The following KCNQ1OT1 variants were observed in gnomAD, a reference collection of about 807,000 sequenced individuals.
The protein encoded by KCNQ1OT1 is KCNQ1 antisense RNA 2 (non-protein coding).
At chr11:2,622,454 T>C in exon 1 of KCNQ1OT1, 1 of 398,390 alleles carries the variant, frequency 2.5e-6, no homozygotes, top group Non-Finnish European at 4.4e-6. Flanking sequence ...CAAAAGTGAG[T>C]TTGTTATATA....
exon 1 of KCNQ1OT1, chr11:2,665,162 G>A (rs943365581): frequency 2.5e-6 from 1 of 398,718 alleles, no homozygotes; most frequent in East Asian, 3.6e-5. Flanking sequence ...CCCTCAACCA[G>A]CTCTGGGCGG....
chr11:2,609,327 T>A (rs1848936759), exon 1 of KCNQ1OT1: 1 of 398,298 alleles, frequency 2.5e-6, no homozygotes, highest in Non-Finnish European at 4.4e-6. Context: ...ATGTGTATGT[T>A]TCCCTAATTT....
Position 2,684,812 on chromosome 11 carries a change from T to C in KCNQ1OT1, n.15183A>G, listed in dbSNP as rs77387434. The C allele has an allele frequency of 3.0e-3, 1,191 of 398,672 alleles. 13 individuals are homozygous for C. The highest frequency in any genetic ancestry group is 0.021 in the African/African-American group (1,045 of 48,750). 24.7% of individuals were successfully genotyped at this position (398,672 alleles called of 1,614,324 possible). On this transcript the variant is annotated non_coding_transcript_exon_variant, in exon 1 of 1. Coordinates refer to ENST00000597346, the Ensembl canonical transcript of KCNQ1OT1. The stretch of plus-strand genomic sequence containing the variant: ...CACTGGTCTGGGCACATTCCAAGGC[T>C]TGAGGTCTCCTAGTCAAGGCCTCCT...
At chr11:2,696,608 A>C (rs1850680842) in exon 1 of KCNQ1OT1, 1 of 398,572 alleles carries the variant, frequency 2.5e-6, no homozygotes, top group Non-Finnish European at 4.4e-6. Context: ...CTCCAACTGG[A>C]AGTTTGAGTG....
exon 1 of KCNQ1OT1, chr11:2,646,577 G>A (rs1010674880): frequency 2.5e-6 from 1 of 398,610 alleles, no homozygotes; most frequent in Non-Finnish European, 4.4e-6. Context: ...CCAGGCTGGG[G>A]TGCAATGGTG....
exon 1 of KCNQ1OT1, chr11:2,618,529 T>C (rs1849108412): frequency 2.5e-6 from 1 of 398,496 alleles, no homozygotes. Flanking sequence ...AATTTCTTTC[T>C]GGGCTCTCTA....
At chr11:2,635,540 T>G (rs1036726318) in exon 1 of KCNQ1OT1, 4 of 152,222 alleles carry the variant, frequency 2.6e-5, no homozygotes, top group African/African-American at 9.6e-5. Context: ...CATTGGTCTA[T>G]ATCTCTGTTT....
At chr11:2,667,281 T>A in exon 1 of KCNQ1OT1, 1 of 398,514 alleles carries the variant, frequency 2.5e-6, no homozygotes. Flanking sequence ...GGGCTGCTGC[T>A]ATGGGGAGAG....
In KCNQ1OT1 at chr11:2,661,726, C is replaced by A; in HGVS notation, n.38269G>T. 1 of 617,316 alleles carries A rather than the reference C, an allele frequency of 1.6e-6. No individual in the cohort carries two copies. Among genetic ancestry groups the A allele is most frequent in the East Asian group, 2.7e-5 (1 of 36,570 alleles). The allele number at this position is 617,316 out of a possible 1,614,324, so 38.2% of individuals were successfully genotyped here. A position where few individuals can be genotyped will look rare whatever the true frequency, so the allele number is the denominator to read the frequency against. On this transcript the variant is annotated non_coding_transcript_exon_variant, in exon 1 of 1. Coordinates refer to ENST00000597346, the Ensembl canonical transcript of KCNQ1OT1. This position sits in a 1 kb window ranked among gnomAD's most constrained non-coding sequence, Gnocchi z 5.9. ...CACAGCCCCAGGCACAGTTACCACT[C>A]CGAAGATGATTCACTGGCCTTTATT...
chr11:2,636,540 T>C (rs1025874086), exon 1 of KCNQ1OT1: 1 of 152,222 alleles, frequency 6.6e-6, no homozygotes, highest in Non-Finnish European at 1.5e-5. Flanking sequence ...GAAGCCCACT[T>C]GATCATGGTG....
chr11:2,636,703 A>C (rs1849472692), exon 1 of KCNQ1OT1: 1 of 152,200 alleles, frequency 6.6e-6, no homozygotes. Flanking sequence ...GCCTCATAAA[A>C]TGAGTTAGGG....
rs2412057 is a variant in KCNQ1OT1 at position 2,620,100 on chromosome 11, T to G, written n.79895A>C. The G allele has an allele frequency of 0.8, 318,991 of 397,976 alleles. 128,707 individuals carry two copies. The highest frequency in any genetic ancestry group is 0.99 in the East Asian group (27,688 of 28,052). 24.7% of individuals were successfully genotyped at this position (397,976 alleles called of 1,614,324 possible). A position where few individuals can be genotyped will look rare whatever the true frequency, so the allele number is the denominator to read the frequency against. ...GTGTTTAGGTCCCACTTGCAAGTGG[T>G]AACATGCAGTATTTGGTTTTCTGTT... On this transcript the variant is annotated non_coding_transcript_exon_variant, in exon 1 of 1. Transcript: ENST00000597346. The surrounding 1 kb of genome is among the most constrained non-coding windows in gnomAD (Gnocchi z 4.5).
exon 1 of KCNQ1OT1, chr11:2,681,573 T>C: frequency 5.0e-6 from 2 of 398,462 alleles, no homozygotes; most frequent in East Asian, 7.1e-5. Context: ...AACTTCCCTT[T>C]TCAGGAAGTT....
chr11:2,652,393 C>G lies in KCNQ1OT1; in HGVS notation n.47602G>C, dbSNP rs2133844443. ...AGATCGCTCTTAATTAGATTAAAAA[C>G]ATTTTTTTCTTCCTGTGTAATTTTG... On this transcript the variant is annotated non_coding_transcript_exon_variant, in exon 1 of 1. Transcript: ENST00000597346. This position sits in a 1 kb window ranked among gnomAD's most constrained non-coding sequence, Gnocchi z 5.9. The G allele has an allele frequency of 2.5e-6, 1 of 398,626 alleles. No individual in the cohort carries two copies. The highest frequency in any genetic ancestry group is 3.6e-5 in the East Asian group (1 of 28,082). The allele number at this position is 398,626 out of a possible 1,614,324, so 24.7% of individuals were successfully genotyped here.
exon 1 of KCNQ1OT1, chr11:2,699,453 G>A: frequency 7.5e-6 from 3 of 402,452 alleles, no homozygotes; most frequent in Non-Finnish European, 1.3e-5. Context: ...GCACTGAGGA[G>A]CCGCCGGGAG....
chr11:2,683,319 G>C lies in KCNQ1OT1; in HGVS notation n.16676C>G. On this transcript the variant is annotated non_coding_transcript_exon_variant, in exon 1 of 1. Coordinates refer to ENST00000597346, the Ensembl canonical transcript of KCNQ1OT1. This position sits in a 1 kb window ranked among gnomAD's most constrained non-coding sequence, Gnocchi z 4.7. ...TGCAAAACCAGACACATAGAGGCCA[G>C]GTTTCCCCCGCTCAACACTAGGCCA... The C allele has an allele frequency of 2.5e-6, 1 of 398,594 alleles. No individual in the cohort carries two copies. Among genetic ancestry groups the C allele is most frequent in the Non-Finnish European group, 4.4e-6 (1 of 226,066 alleles). 24.7% of individuals were successfully genotyped at this position (398,594 alleles called of 1,614,324 possible). A position where few individuals can be genotyped will look rare whatever the true frequency, so the allele number is the denominator to read the frequency against.
exon 1 of KCNQ1OT1, chr11:2,699,413 GGGCCGCGCT>G: frequency 2.5e-6 from 1 of 404,060 alleles, no homozygotes; most frequent in Non-Finnish European, 4.3e-6. Flanking sequence ...GAGATGGGGA[GGGCCGCGCT>G]GAGGAGAGTC....
rs753628727 is a variant in KCNQ1OT1 at position 2,683,021 on chromosome 11, TGA to T, written n.16972_16973del. ...GCTGTGCAGCCTTAGTTCTGCCTCC[TGA>T]GAGAGGTGACCTTCTCCCACTTCTT... is the stretch of plus-strand genomic sequence containing the variant. On this transcript the variant is annotated non_coding_transcript_exon_variant, in exon 1 of 1. Transcript: ENST00000597346. The surrounding 1 kb of genome is among the most constrained non-coding windows in gnomAD (Gnocchi z 4.7). The T allele has an allele frequency of 1.0e-4, 41 of 398,700 alleles. No homozygotes were observed. The highest frequency in any genetic ancestry group is 1.7e-4 in the Non-Finnish European group (38 of 226,098). 24.7% of individuals were successfully genotyped at this position (398,700 alleles called of 1,614,324 possible).
chr11:2,687,336 G>A lies in KCNQ1OT1; in HGVS notation n.12659C>T. On this transcript the variant is annotated non_coding_transcript_exon_variant, in exon 1 of 1. Transcript: ENST00000597346. The surrounding 1 kb of genome is among the most constrained non-coding windows in gnomAD (Gnocchi z 5.0). The stretch of plus-strand genomic sequence containing the variant: ...GGCTCTGGCTGAGGGCTGTGAGCCA[G>A]AGGCTGAGGTAGCCAGGTCTGCCTT... 2.5e-6 allele frequency: 1 copy of A among 398,694 alleles called. No individual in the cohort carries two copies. Among genetic ancestry groups the A allele is most frequent in the Non-Finnish European group, 4.4e-6 (1 of 226,098 alleles). The allele number at this position is 398,694 out of a possible 1,614,324, so 24.7% of individuals were successfully genotyped here.
Sources: gnomAD v4.1 joint callset for allele counts on GRCh38, gnomAD v4.1.1 for gene constraint, Gnocchi (gnomAD v3.1) non-coding constraint, MANE v1.5 for transcripts, NCBI Gene and HGNC (gene_info 2026-07-23, HGNC 2026-07-21) for gene names.